The following DCT variants were observed in gnomAD, a reference collection of about 807,000 sequenced individuals.
DCT encodes L-dopachrome tautomerase.
In DCT, 47 loss-of-function variants were observed where a neutral mutation model predicts 53.0. The observed-to-expected ratio is 0.89, with a 90% CI of 0.70 to 1.13. The LOEUF (loss-of-function observed/expected upper bound fraction) is 1.13, where lower values mean the gene tolerates loss of function less well. Among genes scored for constraint, DCT ranks in the 50% most tolerant of loss-of-function variants. DCT has a pLI of 0.00. For missense variants in DCT, 669 were observed against 637.4 expected (o/e 1.05, Z -0.53); for synonymous variants, 244 against 237.0 (o/e 1.03, Z -0.27).
the DCT span, among the ~76,000 whole-genome samples, chr13:94,516,736 T>C: frequency 6.6e-6 from 1 of 152,166 alleles, no homozygotes; most frequent in Non-Finnish European, 1.5e-5. Context: ...CCTCACCATG[T>C]GATGCCCTGT....
intron 1 of DCT, among the ~76,000 whole-genome samples, chr13:94,476,466 T>C (rs1885091560): frequency 7.3e-6 from 1 of 137,910 alleles, no homozygotes; most frequent in South Asian, 2.2e-4. Flanking sequence ...GTGTTGGCAC[T>C]TTCTTTTTTT....
At chr13:94,492,949 G>C in the DCT span, among the ~76,000 whole-genome samples, 1 of 152,132 alleles carries the variant, frequency 6.6e-6, no homozygotes, top group Non-Finnish European at 1.5e-5. Flanking sequence ...AGTTGTCAAA[G>C]TACAGAGGAA....
At chr13:94,474,840 A>G (rs1884971776) in intron 1 of DCT, among the ~76,000 whole-genome samples, 1 of 152,236 alleles carries the variant, frequency 6.6e-6, no homozygotes, top group Non-Finnish European at 1.5e-5. Context: ...ATGTGTTTCT[A>G]CTTATTAGGC....
chr13:94,496,492 C>A, the DCT span, among the ~76,000 whole-genome samples: 1 of 152,132 alleles, frequency 6.6e-6, no homozygotes, highest in Non-Finnish European at 1.5e-5. Context: ...CCGCACCCGG[C>A]CGGATTCTGT....
chr13:94,467,599 C>G (rs1884309292), intron 2 of DCT: 1 of 152,112 alleles, frequency 6.6e-6, no homozygotes, highest in African/African-American at 2.4e-5. Flanking sequence ...AGATGCTTAC[C>G]TGTAAGGCAA....
chr13:94,482,632 C>A (rs1355425079), upstream of DCT, among the ~76,000 whole-genome samples: 1 of 152,168 alleles, frequency 6.6e-6, no homozygotes, highest in Non-Finnish European at 1.5e-5. Context: ...ACATGTGCAA[C>A]AGTATTTGGC....
At chr13:94,538,813 T>C in the DCT span, among the ~76,000 whole-genome samples, 2 of 152,190 alleles carry the variant, frequency 1.3e-5, no homozygotes, top group Non-Finnish European at 2.9e-5. Flanking sequence ...CCTAACATGT[T>C]AGATAAACTG....
chr13:94,496,852 G>A, the DCT span, among the ~76,000 whole-genome samples: 1 of 152,318 alleles, frequency 6.6e-6, no homozygotes, highest in Non-Finnish European at 1.5e-5. Flanking sequence ...CTAGTGGGCT[G>A]TGAATACACC....
At chr13:94,533,916 A>G in the DCT span, among the ~76,000 whole-genome samples, 2 of 152,334 alleles carry the variant, frequency 1.3e-5, no homozygotes, top group African/African-American at 4.8e-5. Context: ...AATTTACAGT[A>G]TTTTATCTTA....
At chr13:94,543,066 G>A in the DCT span, among the ~76,000 whole-genome samples, 10 of 152,176 alleles carry the variant, frequency 6.6e-5, 1 homozygote, top group African/African-American at 1.2e-4. Flanking sequence ...GCCTCTAACC[G>A]GACAGGGTTA....
chr13:94,483,906 A>G (rs1885554638), upstream of DCT, among the ~76,000 whole-genome samples: 2 of 152,172 alleles, frequency 1.3e-5, no homozygotes, highest in Non-Finnish European at 2.9e-5. Flanking sequence ...ACTTAATTCA[A>G]TGTTCCTGCT....
intron 6 of DCT, 149 bp from the exon 7 acceptor site, chr13:94,443,786 A>C (rs1266000132): frequency 3.6e-5 from 23 of 636,424 alleles, no homozygotes; most frequent in Non-Finnish European, 5.8e-5. Flanking sequence ...TCTGTGTACC[A>C]CCATGAGGAA....
the DCT span, among the ~76,000 whole-genome samples, chr13:94,516,131 C>A: frequency 6.7e-6 from 1 of 149,134 alleles, no homozygotes; most frequent in Admixed American, 6.8e-5. Context: ...CCCTCAGCCT[C>A]ATGTTCTCTA....
intron 1 of DCT, among the ~76,000 whole-genome samples, chr13:94,470,385 T>C (rs1042122854): frequency 1.2e-4 from 19 of 152,208 alleles, no homozygotes; most frequent in African/African-American, 4.1e-4. Context: ...TCTGGGCATC[T>C]CTCTGATCAG....
chr13:94,461,360 C>A (rs917323771), intron 5 of DCT, among the ~76,000 whole-genome samples: 1 of 152,256 alleles, frequency 6.6e-6, no homozygotes. Flanking sequence ...GTACATACCA[C>A]CACACCTGGC....
the DCT span, among the ~76,000 whole-genome samples, chr13:94,537,509 T>C: frequency 6.6e-6 from 1 of 152,210 alleles, no homozygotes; most frequent in Admixed American, 6.5e-5. Context: ...CTCTGTTAGA[T>C]TAAGACAATC....
intron 6 of DCT, among the ~76,000 whole-genome samples, chr13:94,445,080 C>G (rs1566802179): frequency 6.6e-6 from 1 of 152,212 alleles, no homozygotes; most frequent in African/African-American, 2.4e-5. Context: ...TGTCATGCAT[C>G]TTTATTTACA....
chr13:94,457,065 G>A (rs933548462), intron 6 of DCT, among the ~76,000 whole-genome samples: 1 of 152,220 alleles, frequency 6.6e-6, no homozygotes, highest in African/African-American at 2.4e-5. Context: ...AGGAGGCGGA[G>A]GTTGCAGTGG....
chr13:94,498,938 C>T, the DCT span, among the ~76,000 whole-genome samples: 6 of 152,144 alleles, frequency 3.9e-5, no homozygotes, highest in South Asian at 2.1e-4. Context: ...ATTGTAAATG[C>T]GCCAGTCAGC....
Sources: allele counts gnomAD v4.1 joint callset (sites outside exome capture counted in the v4.1 genomes callset), GRCh38; gene constraint gnomAD v4.1.1; transcripts MANE v1.5; gene names NCBI Gene and HGNC (gene_info 2026-07-23, HGNC 2026-07-21).